The following SLC9A9 variants were observed in gnomAD, a reference collection of about 807,000 sequenced individuals.
The protein encoded by SLC9A9 is solute carrier family 9 member A9, also known as sodium/hydrogen exchanger 9.
A neutral mutation model predicts 77.8 loss-of-function variants in SLC9A9; 62 were observed. The ratio of observed to expected loss-of-function variants is 0.80; its 90% CI spans 0.65 to 0.98. The LOEUF (loss-of-function observed/expected upper bound fraction) is 0.98. Ranked by LOEUF, SLC9A9 falls within the 50% of genes least tolerant of loss-of-function variation. SLC9A9 has a pLI of 0.00. For missense variants in SLC9A9, 775 were observed against 774.9 expected, an observed-to-expected ratio of 1.00 and a Z score of 0.00; for synonymous variants, 320 against 283.5, an observed-to-expected ratio of 1.13 and a Z score of -1.29.
At position 143,730,888 on chromosome 3, in the gene SLC9A9, C is replaced by T. The variant is rs377126434; in HGVS notation, c.534-37581G>A. ...AAAAAAGAAAAAGAAAAAGGTTTAT[C>T]GCTAAAGAGGCCATAGGCTACAATT... On this transcript the variant is annotated intron_variant, in intron 4 of 15. Coordinates refer to ENST00000316549, the MANE Select transcript of SLC9A9 (RefSeq NM_173653.4). Among the ~76,000 whole-genome samples, 128 of 152,266 alleles carry T rather than the reference C, an allele frequency of 8.4e-4. 2 individuals carry two copies. The highest frequency in any genetic ancestry group is 2.3e-3 in the African/African-American group (96 of 41,544).
intron 9 of SLC9A9, chr3:143,517,575 C>A: frequency 1.3e-6 from 2 of 1,597,574 alleles, no homozygotes; most frequent in Non-Finnish European, 1.7e-6. Flanking sequence ...TTCAGCATTG[C>A]ACTAGCATCT....
intron 6 of SLC9A9, among the ~76,000 whole-genome samples, chr3:143,624,270 C>A (rs892717686): frequency 6.6e-5 from 10 of 152,158 alleles, no homozygotes; most frequent in Non-Finnish European, 1.3e-4. Flanking sequence ...TTTTATGAGG[C>A]CAGCATCACC....
At chr3:143,731,995 C>T (rs1176966003) in intron 4 of SLC9A9, among the ~76,000 whole-genome samples, 1 of 152,204 alleles carries the variant, frequency 6.6e-6, no homozygotes, top group Non-Finnish European at 1.5e-5. Flanking sequence ...ATGTCTTAGT[C>T]TGGTTCGGTG....
chr3:143,291,055 G>T (rs2029930760), intron 14 of SLC9A9, among the ~76,000 whole-genome samples: 1 of 152,210 alleles, frequency 6.6e-6, no homozygotes, highest in Non-Finnish European at 1.5e-5. Context: ...GGGCGGAAGT[G>T]CTTGGGATTG....
At chr3:143,679,893 C>T (rs1933025276) in intron 5 of SLC9A9, among the ~76,000 whole-genome samples, 1 of 151,878 alleles carries the variant, frequency 6.6e-6, no homozygotes, top group Non-Finnish European at 1.5e-5. Flanking sequence ...AAGGAAATAT[C>T]AGGTATGAAA....
chr3:143,548,360 G>C (rs141239410), intron 9 of SLC9A9, among the ~76,000 whole-genome samples: 2 of 152,234 alleles, frequency 1.3e-5, no homozygotes, highest in African/African-American at 2.4e-5. Context: ...AATCATCTGA[G>C]TGGGTTCATG....
chr3:143,403,162 T>G (rs868245189), intron 12 of SLC9A9, among the ~76,000 whole-genome samples: 8 of 152,114 alleles, frequency 5.3e-5, no homozygotes, highest in Non-Finnish European at 1.0e-4. Flanking sequence ...TTTAAAAAAT[T>G]AAGAGTGAAA....
At chr3:143,358,369 A>G (rs2032650382) in intron 14 of SLC9A9, among the ~76,000 whole-genome samples, 1 of 152,204 alleles carries the variant, frequency 6.6e-6, no homozygotes, top group Non-Finnish European at 1.5e-5. Flanking sequence ...CAACTTGCCA[A>G]TCCATTGTTC....
chr3:143,814,134 T>G (rs1164608940), intron 2 of SLC9A9, among the ~76,000 whole-genome samples: 1 of 152,202 alleles, frequency 6.6e-6, no homozygotes, highest in Non-Finnish European at 1.5e-5. Flanking sequence ...GAACCTATGT[T>G]TCTGCACCTG....
chr3:143,796,276 C>T (rs2008382597), intron 3 of SLC9A9, among the ~76,000 whole-genome samples: 1 of 151,912 alleles, frequency 6.6e-6, no homozygotes, highest in Non-Finnish European at 1.5e-5. Flanking sequence ...TGAGTTTTCA[C>T]TTTAAAGGAT....
intron 5 of SLC9A9, among the ~76,000 whole-genome samples, chr3:143,679,146 C>CA (rs1200995297): frequency 6.6e-6 from 1 of 152,050 alleles, no homozygotes; most frequent in African/African-American, 2.4e-5. Flanking sequence ...AACAAACAAA[C>CA]AAAAACTGTT....
intron 5 of SLC9A9, among the ~76,000 whole-genome samples, chr3:143,672,039 A>G (rs2039162743): frequency 6.6e-6 from 1 of 152,222 alleles, no homozygotes; most frequent in Admixed American, 6.5e-5. Context: ...CACAAACTTT[A>G]TACTATATGA....
chr3:143,455,457 C>T (rs549289167), intron 12 of SLC9A9, among the ~76,000 whole-genome samples: 6 of 152,258 alleles, frequency 3.9e-5, no homozygotes, highest in Middle Eastern at 3.4e-3. Context: ...AAAATGTCCT[C>T]CTGCGATTTT....
intron 14 of SLC9A9, among the ~76,000 whole-genome samples, chr3:143,349,700 G>C (rs542024459): frequency 3.9e-5 from 6 of 152,330 alleles, no homozygotes; most frequent in African/African-American, 1.4e-4. Context: ...AGGCGATTGA[G>C]TCTGAACTTG....
At chr3:143,390,118 C>T (rs2108504134) in intron 12 of SLC9A9, among the ~76,000 whole-genome samples, 1 of 152,340 alleles carries the variant, frequency 6.6e-6, no homozygotes, top group South Asian at 2.1e-4. Flanking sequence ...AGGATTCATG[C>T]AACATTCCTG....
chr3:143,490,300 A>G (rs911793603), intron 11 of SLC9A9, among the ~76,000 whole-genome samples: 1 of 152,340 alleles, frequency 6.6e-6, no homozygotes, highest in Middle Eastern at 3.4e-3. Flanking sequence ...ATAGATAAGT[A>G]AAATGTGATC....
chr3:143,376,785 A>T (rs1419512310), intron 13 of SLC9A9, among the ~76,000 whole-genome samples: 3 of 152,222 alleles, frequency 2.0e-5, no homozygotes, highest in Admixed American at 6.5e-5. Flanking sequence ...AAAACCCAAG[A>T]TATTTTCTCT....
chr3:143,511,568 C>T (rs1007916710), intron 9 of SLC9A9, among the ~76,000 whole-genome samples: 2 of 152,146 alleles, frequency 1.3e-5, no homozygotes, highest in African/African-American at 4.8e-5. Context: ...AATTACAGCC[C>T]GTGTTAGGAG....
At chr3:143,831,829 G>A (rs1304056409) in intron 2 of SLC9A9, among the ~76,000 whole-genome samples, 190 bp downstream of exon 2, 7 of 152,034 alleles carry the variant, frequency 4.6e-5, no homozygotes, top group Non-Finnish European at 2.9e-5. Flanking sequence ...AAAAAATACA[G>A]GCAACTCAGC....
Sources: allele counts gnomAD v4.1 joint callset (sites outside exome capture counted in the v4.1 genomes callset), GRCh38; gene constraint gnomAD v4.1.1; transcripts MANE v1.5; gene names NCBI Gene and HGNC (gene_info 2026-07-23, HGNC 2026-07-21).